The following CALN1 variants were observed in gnomAD, a reference collection of about 807,000 sequenced individuals.
CALN1 encodes calcium-binding protein 8.
CALN1 carries 17 observed loss-of-function variants against 30.6 expected under a neutral mutation model. The ratio of observed to expected loss-of-function variants is 0.56; its 90% confidence interval spans 0.38 to 0.83. CALN1 has a LOEUF of 0.83. Ranked by LOEUF, CALN1 falls within the 40% of genes least tolerant of loss-of-function variation. The pLI is 0.00. For missense variants in CALN1, 291 were observed against 354.9 expected (o/e 0.82, Z 1.45); for synonymous variants, 156 against 131.4 (o/e 1.19, Z -1.28).
chr7:71,787,803 T>C lies in CALN1; in HGVS notation c.758A>G (p.Asn253Ser). The change falls in exon 7 of 7, where the codon AAC becomes AGC. Residue 253 changes from asparagine to serine, a missense_variant. By Grantham distance (46) the Asn-to-Ser change is conservative (BLOSUM62 1). Transcript: ENST00000395275. ...CTCCATGCCGCTCCGGAGTATCTGG[T>C]TGGCTGCAATCAGCATGACACTGAT... The part of the protein sequence containing the change: ...FIISVMLIAA[N>S]QILRSGME The C allele has an allele frequency of 2.5e-6, 4 of 1,614,106 alleles. No individual in the cohort carries two copies. The highest frequency in any genetic ancestry group is 2.5e-6 in the Non-Finnish European group (3 of 1,180,044).
chr7:72,430,291 AT>A (rs931405290), intron 1 of CALN1, among the ~76,000 whole-genome samples: 18 of 148,126 alleles, frequency 1.2e-4, no homozygotes, highest in Non-Finnish European at 3.0e-5. Context: ...ATAATTATAT[AT>A]TTGTATCTAT....
rs557577398 is a variant in CALN1 at position 72,216,213 on chromosome 7, G to A, written c.244+62473C>T. Among the ~76,000 whole-genome samples the A allele has an allele frequency of 2.2e-3, 339 of 151,982 alleles. 2 individuals are homozygous for A. Among genetic ancestry groups the A allele is most frequent in the South Asian group, 0.012 (58 of 4,814 alleles). ...GAGGACTGCTTGAGGCCAGGAGTTCGAGACCAGCTTGGGCAATACAGTGAG... is the reference window on the plus strand; with the variant it reads ...GAGGACTGCTTGAGGCCAGGAGTTCAAGACCAGCTTGGGCAATACAGTGAG... On this transcript the variant is annotated intron_variant, in intron 3 of 6. Transcript: ENST00000395275.
chr7:72,045,081 G>C lies in CALN1; in HGVS notation c.389-21312C>G, dbSNP rs544506065. Among the ~76,000 whole-genome samples the C allele has an allele frequency of 9.8e-5, 15 of 152,304 alleles. No individual in the cohort carries two copies. The South Asian group carries it at 1.9e-3, about 19-fold the overall frequency. ...GGAAGTCTCCATGCAACTAGAAAAAGACACAAAGTCACAGCGGTCCTAGAA... is the reference window on the plus strand; with the variant it reads ...GGAAGTCTCCATGCAACTAGAAAAACACACAAAGTCACAGCGGTCCTAGAA... On this transcript the variant is annotated intron_variant, in intron 4 of 6. Coordinates refer to ENST00000395275, the MANE Select transcript of CALN1 (RefSeq NM_031468.4).
At chr7:72,402,732 G>C (rs1019109535) in intron 2 of CALN1, among the ~76,000 whole-genome samples, 1 of 152,182 alleles carries the variant, frequency 6.6e-6, no homozygotes, top group Non-Finnish European at 1.5e-5. Context: ...AGACAGACAG[G>C]GTAGCCTAGT....
intron 2 of CALN1, among the ~76,000 whole-genome samples, chr7:72,383,702 C>A (rs900110807): frequency 6.6e-6 from 1 of 152,032 alleles, no homozygotes; most frequent in Non-Finnish European, 1.5e-5. Context: ...TTTACAATGA[C>A]GAAGAGAAAC....
At chr7:71,818,704 A>C (rs1283668882) in intron 5 of CALN1, among the ~76,000 whole-genome samples, 1 of 147,246 alleles carries the variant, frequency 6.8e-6, no homozygotes, top group African/African-American at 2.5e-5. Flanking sequence ...TTATTTATTT[A>C]TTTATTTATT....
chr7:72,037,536 A>C (rs1303282077), intron 4 of CALN1, among the ~76,000 whole-genome samples: 1 of 152,248 alleles, frequency 6.6e-6, no homozygotes, highest in African/African-American at 2.4e-5. Context: ...CAATGAATTC[A>C]GTTGTTTGTA....
At chr7:72,460,435 C>A in the CALN1 span, among the ~76,000 whole-genome samples, 5 of 151,932 alleles carry the variant, frequency 3.3e-5, no homozygotes, top group Non-Finnish European at 7.4e-5. Context: ...AGTTCGAGAC[C>A]AGCCTGGCCA....
At chr7:72,055,579 A>C (rs930790946) in intron 4 of CALN1, among the ~76,000 whole-genome samples, 2 of 152,202 alleles carry the variant, frequency 1.3e-5, no homozygotes, top group African/African-American at 4.8e-5. Context: ...GATTCAAATA[A>C]AATTGCAACA....
rs551610425 is a variant in CALN1, at chr7:72,296,110, A to G, written c.120-17300T>C. ...TTTGTCAAAGGCTTTTTCTGCATCT[A>G]TTGAGATAATCATGTGGTTTTTGTC... is the stretch of plus-strand genomic sequence containing the variant. On this transcript the variant is annotated intron_variant, in intron 2 of 6. Coordinates refer to ENST00000395275, the MANE Select transcript of CALN1 (RefSeq NM_031468.4). 1.2e-4 allele frequency among the ~76,000 whole-genome samples: 18 copies of G among 152,012 alleles called. No individual in the cohort carries two copies. In the South Asian group the frequency reaches 3.5e-3, roughly 30 times the overall value.
chr7:72,275,606 C>T (rs773648350), intron 3 of CALN1, among the ~76,000 whole-genome samples: 15 of 152,164 alleles, frequency 9.9e-5, no homozygotes, highest in Non-Finnish European at 2.2e-4. Context: ...GATTACCCTC[C>T]TGAAGGACAA....
At chr7:72,207,507 A>G (rs917299045) in intron 3 of CALN1, among the ~76,000 whole-genome samples, 3 of 152,104 alleles carry the variant, frequency 2.0e-5, no homozygotes, top group African/African-American at 4.8e-5. Context: ...TTTGAGACAG[A>G]GTCTCGCTCT....
At chr7:72,212,805 C>A (rs1264824635) in intron 3 of CALN1, among the ~76,000 whole-genome samples, 1 of 152,188 alleles carries the variant, frequency 6.6e-6, no homozygotes, top group Non-Finnish European at 1.5e-5. Context: ...CACAGCAAGA[C>A]TCTGACTCCT....
chr7:71,933,983 C>A (rs1795694902), intron 5 of CALN1, among the ~76,000 whole-genome samples: 2 of 152,182 alleles, frequency 1.3e-5, no homozygotes, highest in Non-Finnish European at 2.9e-5. Context: ...GCAAAGGAAG[C>A]AGCTTCAGTC....
the CALN1 span, among the ~76,000 whole-genome samples, chr7:72,462,837 ATACT>A: frequency 6.6e-6 from 1 of 152,188 alleles, no homozygotes; most frequent in Non-Finnish European, 1.5e-5. Context: ...TGCCGGGCAC[ATACT>A]TTCCTCTAGC....
chr7:72,155,841 A>C (rs891560336), intron 3 of CALN1, among the ~76,000 whole-genome samples: 2 of 152,142 alleles, frequency 1.3e-5, no homozygotes, highest in Admixed American at 1.3e-4. Context: ...CTGGAAGCTC[A>C]GCAAATAATC....
At chr7:71,925,034 A>C (rs1268153856) in intron 5 of CALN1, among the ~76,000 whole-genome samples, 2 of 152,146 alleles carry the variant, frequency 1.3e-5, no homozygotes, top group Non-Finnish European at 2.9e-5. Context: ...TGAGGTCAGG[A>C]GTTTGAGAGC....
chr7:72,360,143 A>T (rs1803488548), intron 2 of CALN1, among the ~76,000 whole-genome samples: 1 of 152,174 alleles, frequency 6.6e-6, no homozygotes, highest in African/African-American at 2.4e-5. Context: ...AAAGGACATT[A>T]TTGCAACAAA....
intron 4 of CALN1, among the ~76,000 whole-genome samples, chr7:72,028,083 A>AC (rs1801203632): frequency 6.7e-6 from 1 of 149,650 alleles, no homozygotes; most frequent in Non-Finnish European, 1.5e-5. Flanking sequence ...AAAAAAAAAA[A>AC]AACACATGAG....
Sources: allele counts gnomAD v4.1 joint callset (sites outside exome capture counted in the v4.1 genomes callset), GRCh38; gene constraint gnomAD v4.1.1; transcripts MANE v1.5; gene names NCBI Gene and HGNC (gene_info 2026-07-23, HGNC 2026-07-21).